STRADB: variants seen among roughly 807,000 people sequenced by gnomAD.
STRADB encodes the protein STE20-related kinase adapter protein beta.
Under a neutral mutation model 52.1 loss-of-function variants are expected in STRADB, and 34 were observed. The observed-to-expected ratio is 0.65, with a 90% CI of 0.50 to 0.87. STRADB has a LOEUF of 0.87. Ranked by LOEUF, STRADB falls within the 40% of genes least tolerant of loss-of-function variation. STRADB has a pLI of 0.00. For synonymous variants in STRADB, 133 were observed against 174.5 expected (o/e 0.76, Z 1.87); for missense variants, 340 against 483.9 (o/e 0.70, Z 2.79).
intron 6 of STRADB, 68 bp from the exon 7 acceptor site, chr2:201,475,551 C>CA (rs1216984593): frequency 3.1e-6 from 5 of 1,594,060 alleles, no homozygotes; most frequent in Non-Finnish European, 4.3e-6. Context: ...TTGAAAAGAA[C>CA]ATTAAAATAC....
intron 1 of STRADB, among the ~76,000 whole-genome samples, chr2:201,453,272 A>G (rs1320441277): frequency 6.6e-6 from 1 of 152,218 alleles, no homozygotes; most frequent in Non-Finnish European, 1.5e-5. Flanking sequence ...TTAAGACAAA[A>G]TCAGTAACAA....
rs371915218 is a variant in STRADB, at chr2:201,464,655, G to T, written c.94-5298G>T. Reference sequence around the variant, plus strand: ...GTCACCAGGTGTTGAATCCAGCCAGGCTGTGTCCTTCTCTTCAGGGCAGTG... The same window carrying T: ...GTCACCAGGTGTTGAATCCAGCCAGTCTGTGTCCTTCTCTTCAGGGCAGTG... On this transcript the variant is annotated intron_variant, in intron 3 of 11. Transcript: ENST00000194530. Among the ~76,000 whole-genome samples the T allele has an allele frequency of 2.0e-5, 3 of 152,344 alleles. No homozygotes were observed. In the South Asian group the frequency reaches 6.2e-4, roughly 32 times the overall value.
chr2:201,452,374 AGGAC>A (rs1236653471), intron 1 of STRADB, among the ~76,000 whole-genome samples: 1 of 152,232 alleles, frequency 6.6e-6, no homozygotes, highest in African/African-American at 2.4e-5. Flanking sequence ...CCCCCATAGC[AGGAC>A]TAGGAAGGAA....
chr2:201,459,288 G>C (rs889141407), intron 3 of STRADB, among the ~76,000 whole-genome samples: 1 of 152,092 alleles, frequency 6.6e-6, no homozygotes, highest in Non-Finnish European at 1.5e-5. Context: ...CAGAACTGAT[G>C]CTTCTCAGAT....
In STRADB at chr2:201,478,149, A is replaced by G. The variant is rs1345808633; in HGVS notation, c.783A>G (p.Leu261=). ...GTGTTGGGATTACAGCATGTGAATT[A>G]GCCAGTGGGCAGGTGCCTTTCCAGG... is the stretch of plus-strand genomic sequence containing the variant. ...IYSVGITACE[L]ASGQVPFQDM... The change falls in exon 9 of 12, where the codon TTA becomes TTG. Residue 261 remains leucine, a synonymous_variant. Transcript: ENST00000194530. 2 of 1,613,894 alleles carry G rather than the reference A, an allele frequency of 1.2e-6. No individual in the cohort carries two copies. The highest frequency in any genetic ancestry group is 2.2e-5 in the East Asian group (1 of 44,876).
In STRADB at chr2:201,458,812, T is replaced by C. The variant is rs1423919995; in HGVS notation, c.41T>C (p.Val14Ala). The change falls in exon 3 of 12, where the codon GTT becomes GCT. Residue 14 changes from valine to alanine, a missense_variant. By Grantham distance (64) the Val-to-Ala change is moderately conservative (BLOSUM62 0). Transcript: ENST00000194530. ...LDCFCTSRTQ[V>A]ESLRPEKQSE... ...TGCTTCTGCACTTCAAGAACACAAG[T>C]TGAATCACTCAGACCTGAAAAACAG... 3.7e-6 allele frequency: 6 copies of C among 1,613,860 alleles called. 1 individual carries two copies. Among genetic ancestry groups the C allele is most frequent in the Non-Finnish European group, 3.4e-6 (4 of 1,179,950 alleles).
chr2:201,475,080 C>T (rs1025893651), intron 6 of STRADB, among the ~76,000 whole-genome samples: 1 of 152,212 alleles, frequency 6.6e-6, no homozygotes, highest in Non-Finnish European at 1.5e-5. Flanking sequence ...TTTTCCACCT[C>T]TGCCCCCCAT....
intron 3 of STRADB, among the ~76,000 whole-genome samples, chr2:201,465,150 TA>T (rs1477141673): frequency 1.3e-5 from 2 of 152,054 alleles, no homozygotes; most frequent in East Asian, 3.9e-4. Context: ...CCCTCTCCTC[TA>T]CTCAACCAGA....
At chr2:201,464,623 C>T (rs1952269788) in intron 3 of STRADB, among the ~76,000 whole-genome samples, 1 of 152,224 alleles carries the variant, frequency 6.6e-6, no homozygotes, top group African/African-American at 2.4e-5. Context: ...ATACCAAGGG[C>T]TCTTCAGTCA....
chr2:201,478,114 G>C lies in STRADB; in HGVS notation c.748G>C (p.Asp250His). The change falls in exon 9 of 12, where the codon GAT becomes CAT. Residue 250 changes from aspartate to histidine, a missense_variant. Asp to His is a moderately conservative substitution (Grantham distance 81, BLOSUM62 -1). Transcript: ENST00000194530. ...QDLHGYNVKS[D>H]IYSVGITACE... ...TTTACATGGGTATAATGTGAAGTCA[G>C]ATATTTACAGTGTTGGGATTACAGC... is the stretch of plus-strand genomic sequence containing the variant. The C allele has an allele frequency of 6.2e-7, 1 of 1,612,452 alleles. No homozygotes were observed. Among genetic ancestry groups the C allele is most frequent in the Non-Finnish European group, 8.5e-7 (1 of 1,179,590 alleles).
At chr2:201,455,106 G>T (rs937013537) in intron 2 of STRADB, among the ~76,000 whole-genome samples, 1 of 151,978 alleles carries the variant, frequency 6.6e-6, no homozygotes, top group Non-Finnish European at 1.5e-5. Flanking sequence ...TTTCTCATAG[G>T]TGTTATACTT....
chr2:201,458,755 C>T, intron 2 of STRADB, 29 bp from the exon 3 acceptor site: 1 of 1,601,482 alleles, frequency 6.2e-7, no homozygotes, highest in Non-Finnish European at 8.5e-7. Flanking sequence ...ACTTATTTTT[C>T]ACTTATATAA....
rs544195802 is a variant in STRADB at position 201,452,523 on chromosome 2, T to C, written c.-96+585T>C. Among the ~76,000 whole-genome samples, 214 of 152,366 alleles carry C rather than the reference T, an allele frequency of 1.4e-3. 1 individual carries two copies. The highest frequency in any genetic ancestry group is 5.0e-3 in the African/African-American group (206 of 41,584). ...TACGGATGTGTAACACGGCGCCTGCTTAGCACGGTGCCTGGCACCCAGTAG... is the reference window on the plus strand; with the variant it reads ...TACGGATGTGTAACACGGCGCCTGCCTAGCACGGTGCCTGGCACCCAGTAG... On this transcript the variant is annotated intron_variant, in intron 1 of 11. Transcript: ENST00000194530.
At position 201,473,450 on chromosome 2, in the gene STRADB, A is replaced by G. The variant is rs1042466281; in HGVS notation, c.315+374A>G. The stretch of plus-strand genomic sequence containing the variant: ...ATACTAAGGGGTGATTGTATTTAAT[A>G]TAATGTTTATTTGAGGAGATTACAT... On this transcript the variant is annotated intron_variant, in intron 5 of 11. Transcript: ENST00000194530. Among the ~76,000 whole-genome samples, 15 of 152,300 alleles carry G rather than the reference A, an allele frequency of 9.8e-5. No individual in the cohort carries two copies. The South Asian group carries it at 2.9e-3, about 29-fold the overall frequency.
chr2:201,467,321 CTT>C (rs1375735473), intron 3 of STRADB, among the ~76,000 whole-genome samples: 2 of 152,218 alleles, frequency 1.3e-5, no homozygotes. Context: ...GGCATCAAAA[CTT>C]TTCTTTTCCT....
chr2:201,476,789 A>T (rs1003174297), intron 7 of STRADB, among the ~76,000 whole-genome samples: 156 of 150,982 alleles, frequency 1.0e-3, no homozygotes, highest in Admixed American at 6.1e-3. Flanking sequence ...AGCCTGGCCA[A>T]GATGGTGAAA....
intron 1 of STRADB, among the ~76,000 whole-genome samples, chr2:201,452,250 C>T (rs914196537): frequency 6.6e-6 from 1 of 152,082 alleles, no homozygotes; most frequent in Non-Finnish European, 1.5e-5. Flanking sequence ...CCCGGGCGCC[C>T]TCTCCCCGCA....
chr2:201,461,016 A>G (rs187659136), intron 3 of STRADB, among the ~76,000 whole-genome samples: 35 of 150,068 alleles, frequency 2.3e-4, no homozygotes, highest in Non-Finnish European at 4.6e-4. Flanking sequence ...TCTTTTCTCC[A>G]TATCCTCACC....
At chr2:201,462,945 T>A (rs1952239574) in intron 3 of STRADB, among the ~76,000 whole-genome samples, 1 of 152,264 alleles carries the variant, frequency 6.6e-6, no homozygotes, top group African/African-American at 2.4e-5. Context: ...CTTTAGCATT[T>A]CTTGTAGGAG....
Sources: gnomAD v4.1 joint callset for allele counts (sites outside exome capture counted in the v4.1 genomes callset) on GRCh38, gnomAD v4.1.1 for gene constraint, MANE v1.5 for transcripts, NCBI Gene and HGNC (gene_info 2026-07-23, HGNC 2026-07-21) for gene names.